The following MTAP variants were observed in gnomAD, a reference collection of about 807,000 sequenced individuals.
The protein encoded by MTAP is S-methyl-5'-thioadenosine phosphorylase.
Under a neutral mutation model 33.6 loss-of-function variants are expected in MTAP, and 33 were observed. The observed-to-expected ratio is 0.98, with a 90% confidence interval of 0.74 to 1.31. The LOEUF is 1.31. MTAP is among the 40% of genes most tolerant of loss of function. The pLI, the probability that MTAP is intolerant of heterozygous loss-of-function variation, is 0.00. For synonymous variants in MTAP, 148 were observed against 125.7 expected, an observed-to-expected ratio of 1.18 and a Z score of -1.19; for missense variants, 367 against 360.0, an observed-to-expected ratio of 1.02 and a Z score of -0.16.
chr9:21,817,584 C>T (rs1437440583), intron 3 of MTAP, among the ~76,000 whole-genome samples: 2 of 152,056 alleles, frequency 1.3e-5, no homozygotes, highest in Admixed American at 6.5e-5. Context: ...TTGACTGCAG[C>T]TTGCTTCTTG....
intron 4 of MTAP, among the ~76,000 whole-genome samples, chr9:21,826,443 G>C (rs936630669): frequency 1.3e-5 from 2 of 151,134 alleles, no homozygotes. Context: ...GTCTTCTCCC[G>C]GCCCCTGTGT....
intron 1 of MTAP, among the ~76,000 whole-genome samples, chr9:21,915,568 T>C (rs183116695): frequency 1.3e-5 from 2 of 152,312 alleles, no homozygotes; most frequent in East Asian, 3.9e-4. Context: ...AGTGAGAACC[T>C]AGGAGTGGAA....
At chr9:21,840,450 C>A (rs1349615688) in intron 5 of MTAP, among the ~76,000 whole-genome samples, 1 of 152,200 alleles carries the variant, frequency 6.6e-6, no homozygotes, top group African/African-American at 2.4e-5. Context: ...GGAGAACCTA[C>A]CTCTGAATAC....
chr9:21,911,067 A>G (rs1818568536), intron 1 of MTAP, among the ~76,000 whole-genome samples: 1 of 152,182 alleles, frequency 6.6e-6, no homozygotes, highest in East Asian at 1.9e-4. Context: ...GATCAATTCA[A>G]CAAGAAGAGC....
At chr9:21,805,741 C>T (rs371495913) in intron 1 of MTAP, among the ~76,000 whole-genome samples, 2 of 152,190 alleles carry the variant, frequency 1.3e-5, no homozygotes, top group East Asian at 1.9e-4. Flanking sequence ...AAACGTGGGC[C>T]TTCCTCAGAC....
intron 5 of MTAP, among the ~76,000 whole-genome samples, chr9:21,852,527 T>G (rs889782995): frequency 3.1e-4 from 38 of 123,474 alleles, no homozygotes; most frequent in African/African-American, 1.3e-3. Flanking sequence ...AAAAAAAAAA[T>G]GATGTAATGG....
At chr9:21,870,083 A>G (rs1825914536), downstream of MTAP, among the ~76,000 whole-genome samples, 1 of 152,170 alleles carries the variant, frequency 6.6e-6, no homozygotes, top group Non-Finnish European at 1.5e-5. Flanking sequence ...ACACTCTCCC[A>G]GCAGATAACC....
intron 1 of MTAP, among the ~76,000 whole-genome samples, chr9:21,872,202 A>G (rs1825947530): frequency 6.6e-6 from 1 of 152,120 alleles, no homozygotes; most frequent in African/African-American, 2.4e-5. Flanking sequence ...AATCCCAGCT[A>G]CTCAGGAGGC....
chr9:21,821,930 G>C (rs1824652535), intron 4 of MTAP, among the ~76,000 whole-genome samples: 1 of 152,214 alleles, frequency 6.6e-6, no homozygotes, highest in Non-Finnish European at 1.5e-5. Flanking sequence ...AGTGTTTATA[G>C]TATGCTCTGA....
chr9:21,923,645 C>A (rs1818822310), intron 1 of MTAP, among the ~76,000 whole-genome samples: 1 of 152,092 alleles, frequency 6.6e-6, no homozygotes. Flanking sequence ...GACAGGGAAC[C>A]TCTAATACAA....
intron 1 of MTAP, among the ~76,000 whole-genome samples, chr9:21,927,811 C>T (rs1818893881): frequency 6.6e-6 from 1 of 152,166 alleles, no homozygotes; most frequent in Non-Finnish European, 1.5e-5. Context: ...AATATGCCTT[C>T]CTGGTGCTTC....
At position 21,802,649 on chromosome 9, in the gene MTAP, A is replaced by G. The variant is rs561533301; in HGVS notation, c.-100A>G. On this transcript the variant is annotated 5_prime_UTR_variant, in exon 1 of 8. Coordinates refer to ENST00000644715, the MANE Select transcript of MTAP (RefSeq NM_002451.4). ...CCCGCCCCTGGTCTCCGCACTGCTCACTCCCGCGCAGTGAGGTTGGCACAG... is the reference window on the plus strand; with the variant it reads ...CCCGCCCCTGGTCTCCGCACTGCTCGCTCCCGCGCAGTGAGGTTGGCACAG... 30 of 1,362,164 alleles carry G rather than the reference A, an allele frequency of 2.2e-5. No homozygotes were observed. The South Asian group carries it at 3.4e-4, about 15-fold the overall frequency. 84.4% of individuals were successfully genotyped at this position (1,362,164 alleles called of 1,614,324 possible).
chr9:21,930,541 C>G, intron 1 of MTAP: 1 of 294,228 alleles, frequency 3.4e-6, no homozygotes, highest in Non-Finnish European at 6.2e-6. Context: ...TGGGCCTCAG[C>G]ATTATAGCTG....
intron 1 of MTAP, among the ~76,000 whole-genome samples, chr9:21,926,655 A>T (rs1818874512): frequency 6.6e-6 from 1 of 152,168 alleles, no homozygotes. Context: ...TTGGCTAGAG[A>T]TTTGCAGGAC....
intron 4 of MTAP, among the ~76,000 whole-genome samples, chr9:21,822,823 G>A (rs150737702): frequency 1.4e-4 from 22 of 152,330 alleles, no homozygotes; most frequent in Middle Eastern, 3.4e-3. Flanking sequence ...TGTATTGGGT[G>A]CATATAGATT....
chr9:21,822,213 T>A (rs544782989), intron 4 of MTAP, among the ~76,000 whole-genome samples: 1 of 152,336 alleles, frequency 6.6e-6, no homozygotes, highest in East Asian at 1.9e-4. Flanking sequence ...TTCTTTTCAT[T>A]GTGATGTTAG....
rs770816819 is a variant in MTAP, at chr9:21,802,789, G to A, written c.33+8G>A. 4 of 1,612,686 alleles carry A rather than the reference G, an allele frequency of 2.5e-6. No individual in the cohort carries two copies. In the South Asian group the frequency reaches 3.3e-5, roughly 13 times the overall value. On this transcript the variant is annotated splice_region_variant and intron_variant, in intron 1 of 7. Coordinates refer to ENST00000644715, the MANE Select transcript of MTAP (RefSeq NM_002451.4). ...ACCACCACCGCCGTGAAGGTGAGATGAGCCCTCCCAGCCGCAGCGGTTCGC... is the reference window on the plus strand; with the variant it reads ...ACCACCACCGCCGTGAAGGTGAGATAAGCCCTCCCAGCCGCAGCGGTTCGC...
chr9:21,848,056 T>G (rs1223729713), intron 5 of MTAP, among the ~76,000 whole-genome samples: 1 of 152,120 alleles, frequency 6.6e-6, no homozygotes, highest in African/African-American at 2.4e-5. Context: ...AGTGGCAGCA[T>G]CCCCTCCCTG....
chr9:21,872,725 C>A (rs1192207785), intron 1 of MTAP, among the ~76,000 whole-genome samples: 1 of 152,082 alleles, frequency 6.6e-6, no homozygotes, highest in African/African-American at 2.4e-5. Flanking sequence ...GTAGAGCAAG[C>A]ATTAATGACC....
Sources: allele counts gnomAD v4.1 joint callset (sites outside exome capture counted in the v4.1 genomes callset), GRCh38; gene constraint gnomAD v4.1.1; transcripts MANE v1.5; gene names NCBI Gene and HGNC (gene_info 2026-07-23, HGNC 2026-07-21).